Variants in SSX3 observed in about 807,000 individuals in gnomAD.
The protein encoded by SSX3 is SSX family member 3.
SSX3 carries 6 observed loss-of-function variants against 14.8 expected under a neutral mutation model. That is an observed-to-expected ratio of 0.41 (90% CI 0.22 to 0.80). The LOEUF is 0.80. SSX3 is among the 30% of genes least tolerant of loss of function. The pLI, the probability that SSX3 is intolerant of heterozygous loss-of-function variation, is 0.34. For missense variants in SSX3, 163 were observed against 152.2 expected (o/e 1.07, Z -0.37); for synonymous variants, 55 against 52.9 (o/e 1.04, Z -0.18).
chrX:48,354,051 G>A lies in SSX3; in HGVS notation c.228C>T (p.Val76=). The stretch of plus-strand genomic sequence containing the variant: ...CAAAATCATTCCCCTGGAAGTCTGT[G>A]ACCCGTTTATTACGCATGAAAGATG... ...ILPSFMRNKR[V]TDFQGNDFDN... Residue 76 remains valine (V), a synonymous_variant, in exon 4 of 8, where the codon GTC becomes GTT. Coordinates refer to ENST00000298396, the MANE Select transcript of SSX3 (RefSeq NM_021014.4). 2 of 1,209,711 alleles carry A rather than the reference G, an allele frequency of 1.7e-6. No homozygotes were observed. Among genetic ancestry groups the A allele is most frequent in the African/African-American group, 3.5e-5 (2 of 57,439 alleles).
chrX:48,348,375 G>C (rs2061247429), intron 6 of SSX3: 2 of 518,302 alleles, frequency 3.9e-6, no homozygotes, highest in Non-Finnish European at 7.1e-6. Context: ...ATCGATTAAT[G>C]TTTTGTGTCT....
chrX:48,354,870 G>T, intron 2 of SSX3, 124 bp from the exon 3 acceptor site: 1 of 1,190,140 alleles, frequency 8.4e-7, no homozygotes, highest in Non-Finnish European at 1.1e-6. Flanking sequence ...TTGATGCCAC[G>T]GCTAACTGAC....
At chrX:48,351,778 T>C (rs1395500977) in intron 5 of SSX3, among the ~76,000 whole-genome samples, 1 of 112,523 alleles carries the variant, frequency 8.9e-6, no homozygotes, top group Non-Finnish European at 1.9e-5. Context: ...TGCCAAGTCA[T>C]ATGGCTATCA....
chrX:48,348,213 C>T (rs1318493518), intron 6 of SSX3: 8 of 433,800 alleles, frequency 1.8e-5, no homozygotes, highest in Non-Finnish European at 2.9e-5. Flanking sequence ...GGGTATCCAT[C>T]CTCAAGCATT....
chrX:48,349,140 G>A (rs1345801936), intron 6 of SSX3, among the ~76,000 whole-genome samples: 1 of 112,404 alleles, frequency 8.9e-6, no homozygotes, highest in Non-Finnish European at 1.9e-5. Context: ...TAGCTAGAGA[G>A]GATTGAGTTC....
intron 7 of SSX3, among the ~76,000 whole-genome samples, 152 bp downstream of exon 7, chrX:48,347,348 C>A (rs1316669211): frequency 5.3e-5 from 6 of 112,183 alleles, no homozygotes; most frequent in African/African-American, 1.9e-4. Context: ...GTAGAAAGAG[C>A]ATGGGAAATC....
chrX:48,351,012 G>GC (rs782795689), intron 5 of SSX3, among the ~76,000 whole-genome samples: 35 of 109,846 alleles, frequency 3.2e-4, no homozygotes, highest in Non-Finnish European at 6.1e-4. Flanking sequence ...CTTGTGATCT[G>GC]CCCGACTCAG....
intron 5 of SSX3, among the ~76,000 whole-genome samples, chrX:48,351,701 A>G (rs1226573783): frequency 2.7e-5 from 3 of 112,465 alleles, no homozygotes; most frequent in Non-Finnish European, 5.6e-5. Context: ...TCTAAAACAT[A>G]AACTATAATT....
At chrX:48,355,394 A>G in intron 1 of SSX3, 125 bp from the exon 2 acceptor site, 1 of 648,001 alleles carries the variant, frequency 1.5e-6, no homozygotes, top group East Asian at 3.4e-5. Flanking sequence ...TCCGGGGCTT[A>G]TCTGTCCCTG....
intron 1 of SSX3, 30 bp from the exon 2 acceptor site, chrX:48,355,299 G>A (rs1378697241): frequency 1.7e-6 from 2 of 1,173,743 alleles, no homozygotes; most frequent in Non-Finnish European, 2.3e-6. Flanking sequence ...AGACTTTCCA[G>A]CCGCAGGACC....
At chrX:48,348,378 T>G (rs1569460795) in intron 6 of SSX3, 26 of 518,645 alleles carry the variant, frequency 5.0e-5, no homozygotes, top group Middle Eastern at 5.2e-4. Context: ...GATTAATGTT[T>G]TGTGTCTTCT....
chrX:48,347,239 C>A (rs1556948712), intron 7 of SSX3, among the ~76,000 whole-genome samples: 1 of 112,466 alleles, frequency 8.9e-6, no homozygotes, highest in Non-Finnish European at 1.9e-5. Context: ...AATTCCTAGG[C>A]TAGAGGAAGG....
At chrX:48,348,760 A>G (rs2061248956) in intron 6 of SSX3, among the ~76,000 whole-genome samples, 1 of 112,729 alleles carries the variant, frequency 8.9e-6, no homozygotes, top group African/African-American at 3.2e-5. Context: ...AAACTGCCTT[A>G]CTGCTCAAAT....
At chrX:48,352,866 T>A (rs1372704496) in intron 4 of SSX3, among the ~76,000 whole-genome samples, 1 of 112,347 alleles carries the variant, frequency 8.9e-6, no homozygotes, top group Non-Finnish European at 1.9e-5. Flanking sequence ...ATGTTATCTC[T>A]GTTCTCTGAC....
At position 48,346,834 on chromosome X, in the gene SSX3, A is replaced by G. The variant is rs1197869079; in HGVS notation, c.*206T>C. ...GAAAATGTTAATATCTAACAGAATGACACACTTCAAGAAAATACAATGGAA... is the reference window on the plus strand; with the variant it reads ...GAAAATGTTAATATCTAACAGAATGGCACACTTCAAGAAAATACAATGGAA... On this transcript the variant is annotated 3_prime_UTR_variant, in exon 8 of 8. Coordinates refer to ENST00000298396, the MANE Select transcript of SSX3 (RefSeq NM_021014.4). The G allele has an allele frequency of 1.5e-6, 1 of 653,516 alleles. No homozygotes were observed. Among genetic ancestry groups the G allele is most frequent in the South Asian group, 2.6e-5 (1 of 38,985 alleles). 53.9% of individuals were successfully genotyped at this position (653,516 alleles called of 1,213,427 possible).
At chrX:48,351,004 TG>T (rs782146590) in intron 5 of SSX3, among the ~76,000 whole-genome samples, 13 of 109,934 alleles carry the variant, frequency 1.2e-4, no homozygotes, top group Non-Finnish European at 2.1e-4. Flanking sequence ...CTCCTGACCT[TG>T]TGATCTGCCC....
chrX:48,347,392 ATTATAAGAAGGGAATGAT>A (rs2061243420), intron 7 of SSX3, 90 bp downstream of exon 7: 1 of 1,113,895 alleles, frequency 9.0e-7, no homozygotes, highest in Non-Finnish European at 1.2e-6. Flanking sequence ...ACACTAGAAA[ATTATAAGAAGGGAATGAT>A]TTGGGGAGCA....
rs782293469 is a variant in SSX3, at chrX:48,354,750, C to CA, written c.70-5dup. ...ATTTGGCAATATCATCGAAGGCCTA[C>CA]AAAAAAAAAAAAAAGGAATTATGGC... is the stretch of plus-strand genomic sequence containing the variant. On this transcript the variant is annotated splice_region_variant and splice_polypyrimidine_tract_variant and intron_variant, in intron 2 of 7. Transcript: ENST00000298396. 0.043 allele frequency: 38,679 copies of CA among 909,103 alleles called. 1 individual carries two copies. The highest frequency in any genetic ancestry group is 0.045 in the Non-Finnish European group (30,338 of 673,436). 74.9% of individuals were successfully genotyped at this position (909,103 alleles called of 1,213,427 possible).
At chrX:48,350,952 G>A (rs1472301681) in intron 5 of SSX3, among the ~76,000 whole-genome samples, 1 of 109,224 alleles carries the variant, frequency 9.2e-6, no homozygotes, top group South Asian at 4.0e-4. Flanking sequence ...TGTATTTTTA[G>A]TAGAGACGAG....
Sources: gnomAD v4.1 joint callset for allele counts (sites outside exome capture counted in the v4.1 genomes callset) on GRCh38, gnomAD v4.1.1 for gene constraint, MANE v1.5 for transcripts, NCBI Gene and HGNC (gene_info 2026-07-23, HGNC 2026-07-21) for gene names.